PPP2R2D: variants seen among roughly 807,000 people sequenced by gnomAD.
PPP2R2D encodes the protein protein phosphatase 2 regulatory subunit Bdelta.
PPP2R2D carries 9 observed loss-of-function variants against 31.1 expected under a neutral mutation model. The observed-to-expected ratio is 0.29, with a 90% CI of 0.17 to 0.51. PPP2R2D has a LOEUF of 0.51. Among genes scored for constraint, PPP2R2D ranks in the 20% least tolerant of loss-of-function variants. The pLI is 0.98. For missense variants in PPP2R2D, 391 were observed against 465.6 expected (o/e 0.84, Z 1.48); for synonymous variants, 179 against 172.6 (o/e 1.04, Z -0.29).
downstream of PPP2R2D, among the ~76,000 whole-genome samples, chr10:131,961,083 G>A (rs1589971704): frequency 6.6e-6 from 1 of 152,184 alleles, no homozygotes; most frequent in Non-Finnish European, 1.5e-5. Context: ...CCAGCCACAG[G>A]TGGGGAGACA....
chr10:131,907,743 C>CA (rs36197827), intron 2 of PPP2R2D, among the ~76,000 whole-genome samples: 1,546 of 113,658 alleles, frequency 0.014, 12 homozygotes, highest in Non-Finnish European at 0.019. Flanking sequence ...GACTCCATAT[C>CA]AAAAAAAAAA....
At chr10:131,963,008 C>G (rs1344116008), downstream of PPP2R2D, among the ~76,000 whole-genome samples, 1 of 152,138 alleles carries the variant, frequency 6.6e-6, no homozygotes, top group East Asian at 1.9e-4. Context: ...ACTAAAAATA[C>G]AAAAAATTTA....
the PPP2R2D span, chr10:131,970,757 C>T: frequency 7.4e-6 from 12 of 1,614,040 alleles, no homozygotes; most frequent in South Asian, 2.2e-5. The surrounding 1 kb of genome is among the most constrained non-coding windows in gnomAD (Gnocchi z 4.1). Context: ...TGAGGGTGGC[C>T]GTGCGCTTCG....
intron 2 of PPP2R2D, among the ~76,000 whole-genome samples, chr10:131,918,400 C>A (rs2035872910): frequency 1.5e-5 from 2 of 132,126 alleles, no homozygotes; most frequent in East Asian, 2.4e-4. Context: ...TGGAATGACA[C>A]AATGTAGGGA....
chr10:131,908,640 GTTAC>G (rs1161624480), intron 2 of PPP2R2D, among the ~76,000 whole-genome samples: 2 of 152,230 alleles, frequency 1.3e-5, no homozygotes, highest in East Asian at 3.8e-4. Context: ...AACTTGGGAA[GTTAC>G]TTACTCTTTT....
chr10:131,947,870 T>A lies in PPP2R2D; in HGVS notation c.1082+79T>A, dbSNP rs1303556757. 2 of 1,552,900 alleles carry A rather than the reference T, an allele frequency of 1.3e-6. No homozygotes were observed. Among genetic ancestry groups the A allele is most frequent in the Non-Finnish European group, 1.8e-6 (2 of 1,140,616 alleles). Reference sequence around the variant, plus strand: ...TGCAAGGTCAGTGAGGGAGGCGAGCTGTCCTCCAGCGTCAGAGGAGGACGC... The same window carrying A: ...TGCAAGGTCAGTGAGGGAGGCGAGCAGTCCTCCAGCGTCAGAGGAGGACGC... On this transcript the variant is annotated intron_variant, in intron 8 of 8. Transcript: ENST00000455566. This position sits in a 1 kb window ranked among gnomAD's most constrained non-coding sequence, Gnocchi z 4.3.
chr10:131,934,553 G>C lies in PPP2R2D; in HGVS notation c.196G>C (p.Glu66Gln). ...AGTTGTTATTTTTCAGCGTGAACAA[G>C]AGGTCAGTAATTTTCAGTCCACAAA... ...GRVVIFQREQ[E>Q]NKSRPHSRGE... is the part of the protein sequence containing the mutation. Residue 66 changes from glutamate to glutamine, a missense_variant and splice_region_variant, in exon 3 of 9, where the codon GAG (glutamate) becomes CAG (glutamine). By Grantham distance (29) the Glu-to-Gln change is conservative. Coordinates refer to ENST00000455566, the MANE Select transcript of PPP2R2D (RefSeq NM_018461.5). 2 of 779,006 alleles carry C rather than the reference G, an allele frequency of 2.6e-6. No homozygotes were observed. The highest frequency in any genetic ancestry group is 2.7e-5 in the South Asian group (2 of 73,844). The allele number at this position is 779,006 out of a possible 1,614,324, so 48.3% of individuals were successfully genotyped here.
At chr10:131,961,088 G>A (rs1204443210), downstream of PPP2R2D, among the ~76,000 whole-genome samples, 3 of 152,302 alleles carry the variant, frequency 2.0e-5, no homozygotes, top group South Asian at 4.1e-4. Context: ...CACAGGTGGG[G>A]AGACAATGCA....
At chr10:131,971,294 G>A in the PPP2R2D span, 1 of 343,708 alleles carries the variant, frequency 2.9e-6, no homozygotes, top group South Asian at 3.1e-5. Context: ...GAAGTCACGT[G>A]ACATGAGGGC....
chr10:131,952,406 C>T (rs2036666707), intron 8 of PPP2R2D, among the ~76,000 whole-genome samples: 1 of 53,304 alleles, frequency 1.9e-5, no homozygotes, highest in Admixed American at 2.9e-4. Context: ...GTCTTAGTGA[C>T]TTGCGGGTGT....
chr10:131,918,146 T>A (rs557562103), intron 2 of PPP2R2D, among the ~76,000 whole-genome samples: 66 of 130,752 alleles, frequency 5.0e-4, no homozygotes, highest in Non-Finnish European at 8.5e-4. Flanking sequence ...CTCAGGCGGA[T>A]GGAATGACAC....
At chr10:131,964,664 A>ATT (rs782297365), downstream of PPP2R2D, among the ~76,000 whole-genome samples, 12,338 of 126,328 alleles carry the variant, frequency 0.098, 735 homozygotes, top group East Asian at 0.28. Context: ...AGAGTTTACT[A>ATT]TGTTTTTTTT....
intron 2 of PPP2R2D, among the ~76,000 whole-genome samples, chr10:131,910,983 T>C (rs2035673713): frequency 6.6e-6 from 1 of 152,180 alleles, no homozygotes; most frequent in African/African-American, 2.4e-5. Context: ...CCCCCGTCCC[T>C]CGCCCTGTGC....
chr10:131,922,781 A>T (rs538631530), intron 2 of PPP2R2D, among the ~76,000 whole-genome samples: 1 of 152,286 alleles, frequency 6.6e-6, no homozygotes, highest in South Asian at 2.1e-4. Context: ...AAAAATTGGA[A>T]AGTAGCCAAA....
intron 2 of PPP2R2D, among the ~76,000 whole-genome samples, chr10:131,908,156 G>C (rs1190953564): frequency 2.0e-5 from 3 of 152,180 alleles, no homozygotes; most frequent in African/African-American, 7.2e-5. Flanking sequence ...AAAAATAGCA[G>C]TTTCTTGTTT....
At chr10:131,911,075 G>A (rs1051095856) in intron 2 of PPP2R2D, among the ~76,000 whole-genome samples, 1 of 151,996 alleles carries the variant, frequency 6.6e-6, no homozygotes, top group East Asian at 1.9e-4. Context: ...TGCTCAGTGA[G>A]GGTTGTGGAC....
intron 8 of PPP2R2D, among the ~76,000 whole-genome samples, chr10:131,950,505 GTGTGACTCCTTACTC>G (rs1364398682): frequency 2.0e-5 from 3 of 151,814 alleles, no homozygotes; most frequent in Non-Finnish European, 4.4e-5. Context: ...GATCCAGCAA[GTGTGACTCCTTACTC>G]TCCACCGCCA....
chr10:131,915,722 G>C (rs1390388421), intron 2 of PPP2R2D, among the ~76,000 whole-genome samples: 3 of 152,214 alleles, frequency 2.0e-5, no homozygotes, highest in African/African-American at 7.2e-5. Flanking sequence ...AACTTTGTCA[G>C]ACCCTAGAGA....
intron 1 of PPP2R2D, 30 bp downstream of exon 1, chr10:131,901,185 CA>C (rs1292046033): frequency 3.0e-6 from 1 of 328,762 alleles, no homozygotes; most frequent in Non-Finnish European, 5.5e-6. Flanking sequence ...CGGCGGGGAC[CA>C]CGGGGGCGGG....
Sources: allele counts gnomAD v4.1 joint callset (sites outside exome capture counted in the v4.1 genomes callset), GRCh38; gene constraint gnomAD v4.1.1; non-coding constraint Gnocchi (gnomAD v3.1); transcripts MANE v1.5; gene names NCBI Gene and HGNC (gene_info 2026-07-23, HGNC 2026-07-21).